The following PAX2 variants were observed in gnomAD, a reference collection of about 807,000 sequenced individuals.
The protein encoded by PAX2 is paired box protein Pax-2.
A neutral mutation model predicts 41.7 loss-of-function variants in PAX2; 9 were observed. The observed-to-expected ratio is 0.22, with a 90% CI of 0.13 to 0.38. The LOEUF (loss-of-function observed/expected upper bound fraction) is 0.38, where lower values mean the gene tolerates loss of function less well. Ranked by LOEUF, PAX2 falls within the 10% of genes least tolerant of loss-of-function variation. PAX2 has a pLI of 1.00. For missense variants in PAX2, 418 were observed against 531.6 expected, an observed-to-expected ratio of 0.79 and a Z score of 2.10; for synonymous variants, 221 against 212.7, an observed-to-expected ratio of 1.04 and a Z score of -0.34.
intron 3 of PAX2, among the ~76,000 whole-genome samples, chr10:100,770,796 C>T (rs1312256187): frequency 2.0e-5 from 3 of 152,220 alleles, no homozygotes; most frequent in Non-Finnish European, 2.9e-5. Flanking sequence ...GTTTTGTTTC[C>T]ACAGAGCAAC....
At chr10:100,788,563 G>A (rs1846969501) in intron 5 of PAX2, among the ~76,000 whole-genome samples, 1 of 152,228 alleles carries the variant, frequency 6.6e-6, no homozygotes, top group Non-Finnish European at 1.5e-5. Flanking sequence ...ACTGAGTGAG[G>A]GCTGGGTATG....
intron 6 of PAX2, among the ~76,000 whole-genome samples, chr10:100,808,563 C>G (rs1409046806): frequency 6.6e-6 from 1 of 152,134 alleles, no homozygotes; most frequent in East Asian, 1.9e-4. Context: ...TCCTACCCTT[C>G]TGTTAGCCAT....
chr10:100,736,223 G>T (rs1844773322), intron 1 of PAX2, among the ~76,000 whole-genome samples: 1 of 152,214 alleles, frequency 6.6e-6, no homozygotes. Context: ...TCTGTAGGGA[G>T]AAGGCTGTGT....
chr10:100,757,989 C>T (rs1424524411), intron 3 of PAX2, among the ~76,000 whole-genome samples: 1 of 152,126 alleles, frequency 6.6e-6, no homozygotes, highest in African/African-American at 2.4e-5. Context: ...GCCAGGGTCC[C>T]CTCATGGCAC....
intron 1 of PAX2, 26 bp from the exon 2 acceptor site, chr10:100,749,720 T>C: frequency 6.2e-7 from 1 of 1,603,530 alleles, no homozygotes; most frequent in Non-Finnish European, 8.5e-7. Flanking sequence ...TGTGGGGTGT[T>C]GTGTTTTTTT....
At chr10:100,764,624 G>C (rs1364786672) in intron 3 of PAX2, among the ~76,000 whole-genome samples, 2 of 152,132 alleles carry the variant, frequency 1.3e-5, no homozygotes, top group Non-Finnish European at 2.9e-5. Flanking sequence ...TGACCATTGA[G>C]CAGAATTAGT....
chr10:100,809,127 C>T lies in PAX2; in HGVS notation c.810C>T (p.Leu270=), dbSNP rs774406860. 6.2e-7 allele frequency: 1 copy of T among 1,613,122 alleles called. No individual in the cohort carries two copies. The highest frequency in any genetic ancestry group is 8.5e-7 in the Non-Finnish European group (1 of 1,179,276). Residue 270 remains leucine, a synonymous_variant, in exon 7 of 10, where the codon CTC becomes CTT. Coordinates refer to ENST00000355243, the MANE Select transcript of PAX2 (RefSeq NM_000278.5). ...CCTCCCAGGGGAACGAGTACTCCCT[C>T]CCAGCCCTGACCCCTGGGCTTGATG... The part of the protein sequence containing the change: ...IKSEQGNEYS[L]PALTPGLDEV...
intron 3 of PAX2, among the ~76,000 whole-genome samples, chr10:100,755,280 T>C (rs1845588347): frequency 6.6e-6 from 1 of 152,212 alleles, no homozygotes; most frequent in Admixed American, 6.5e-5. Context: ...GCTGGTTCTG[T>C]GGGTGTTCAG....
chr10:100,759,176 G>A (rs898483810), intron 3 of PAX2, among the ~76,000 whole-genome samples: 4 of 152,214 alleles, frequency 2.6e-5, no homozygotes, highest in Non-Finnish European at 4.4e-5. Flanking sequence ...GGGGGTGGTG[G>A]GAGGAAACCT....
At chr10:100,815,086 C>A (rs1486640085) in intron 7 of PAX2, among the ~76,000 whole-genome samples, 2 of 152,158 alleles carry the variant, frequency 1.3e-5, no homozygotes, top group African/African-American at 4.8e-5. Flanking sequence ...GAGGTGTGGA[C>A]CCTGGGAAAC....
rs1015984543 is a variant in PAX2, at chr10:100,752,180, C to T, written c.410+1289C>T. Among the ~76,000 whole-genome samples, 8 of 152,274 alleles carry T rather than the reference C, an allele frequency of 5.3e-5. No individual in the cohort carries two copies. In the South Asian group the frequency reaches 1.7e-3, roughly 32 times the overall value. On this transcript the variant is annotated intron_variant, in intron 3 of 9. Transcript: ENST00000355243. The stretch of plus-strand genomic sequence containing the variant: ...ACCCCAGAAATTATCCCAGTGTGTG[C>T]CATCTGTATTAAAATGGTTATTCAG...
Position 100,827,881 on chromosome 10 carries a change from C to G in PAX2, c.*262C>G. The stretch of plus-strand genomic sequence containing the variant: ...CCGCCTGCCGCCCCTCCCCGCCTGC[C>G]TGGACTGCGCGGCGCCGTGAGGGGG... On this transcript the variant is annotated 3_prime_UTR_variant, in exon 10 of 10. Transcript: ENST00000355243. The surrounding 1 kb of genome is among the most constrained non-coding windows in gnomAD (Gnocchi z 8.5). 1.9e-6 allele frequency: 1 copy of G among 527,552 alleles called. No homozygotes were observed. The highest frequency in any genetic ancestry group is 3.3e-6 in the Non-Finnish European group (1 of 299,758). The allele number at this position is 527,552 out of a possible 1,614,324, so 32.7% of individuals were successfully genotyped here.
In PAX2 at chr10:100,746,025, C is replaced by T. The variant is rs969122032; in HGVS notation, c.-236C>T. 2.8e-6 allele frequency: 4 copies of T among 1,425,170 alleles called. No individual in the cohort carries two copies. The highest frequency in any genetic ancestry group is 2.7e-6 in the Non-Finnish European group (3 of 1,096,704). The allele number at this position is 1,425,170 out of a possible 1,614,324, so 88.3% of individuals were successfully genotyped here. A position where few individuals can be genotyped will look rare whatever the true frequency, so the allele number is the denominator to read the frequency against. On this transcript the variant is annotated 5_prime_UTR_variant, in exon 1 of 10. Coordinates refer to ENST00000355243, the MANE Select transcript of PAX2 (RefSeq NM_000278.5). ...GGCCATTCTGCTGACCGCCCAGCCC[C>T]GAGCCCCGACAGTGGCAAGTTGCGG...
At chr10:100,819,922 G>C (rs894070431) in intron 7 of PAX2, among the ~76,000 whole-genome samples, 35 of 152,264 alleles carry the variant, frequency 2.3e-4, no homozygotes, top group African/African-American at 8.4e-4. Flanking sequence ...TGCACTGTCT[G>C]ATGCAGTTGT....
intron 5 of PAX2, among the ~76,000 whole-genome samples, chr10:100,792,712 C>T (rs1285790553): frequency 6.6e-6 from 1 of 151,898 alleles, no homozygotes; most frequent in Admixed American, 6.6e-5. Flanking sequence ...TTTCTCCCCC[C>T]TGCTCTCTCC....
intron 7 of PAX2, among the ~76,000 whole-genome samples, chr10:100,813,727 A>G (rs1848083133): frequency 1.3e-5 from 2 of 152,214 alleles, no homozygotes; most frequent in South Asian, 4.1e-4. Flanking sequence ...TACCATGAGT[A>G]TGTTGCAGGA....
At chr10:100,741,880 G>A (rs902277413), upstream of PAX2, among the ~76,000 whole-genome samples, 1 of 152,174 alleles carries the variant, frequency 6.6e-6, no homozygotes, top group Non-Finnish European at 1.5e-5. Context: ...ATTTCCTGGG[G>A]AGATGCATTT....
chr10:100,780,774 GC>G (rs1410951788), intron 4 of PAX2, among the ~76,000 whole-genome samples: 5 of 152,188 alleles, frequency 3.3e-5, no homozygotes. Context: ...TAAAGACTCA[GC>G]CCAGGAGACT....
At chr10:100,749,100 G>A in intron 1 of PAX2, 1 of 985,538 alleles carries the variant, frequency 1.0e-6, no homozygotes, top group Non-Finnish European at 1.2e-6. Context: ...TCCCCCTACA[G>A]ATAAATAACA....
Sources: allele counts gnomAD v4.1 joint callset (sites outside exome capture counted in the v4.1 genomes callset), GRCh38; gene constraint gnomAD v4.1.1; non-coding constraint Gnocchi (gnomAD v3.1); transcripts MANE v1.5; gene names NCBI Gene and HGNC (gene_info 2026-07-23, HGNC 2026-07-21).